The following IL9 variants were observed in gnomAD, a reference collection of about 807,000 sequenced individuals.
IL9 encodes interleukin 9.
Under a neutral mutation model 12.9 loss-of-function variants are expected in IL9, and 16 were observed. The ratio of observed to expected loss-of-function variants is 1.24; its 90% confidence interval spans 0.84 to 1.88. The LOEUF is 1.88. Among genes scored for constraint, IL9 ranks in the 40% most tolerant of loss-of-function variants. The probability of loss-of-function intolerance (pLI) is 0.00; values close to 1 mark genes in which losing one functional copy is unlikely to be tolerated. For missense variants in IL9, 170 were observed against 173.1 expected, an observed-to-expected ratio of 0.98 and a Z score of 0.10; for synonymous variants, 69 against 63.8, an observed-to-expected ratio of 1.08 and a Z score of -0.39.
At chr5:135,894,710 A>G (rs1561571287) in intron 3 of IL9, among the ~76,000 whole-genome samples, 1 of 152,226 alleles carries the variant, frequency 6.6e-6, no homozygotes, top group Non-Finnish European at 1.5e-5. Flanking sequence ...AGATTCTCCC[A>G]GGCCTTGCAT....
chr5:135,894,941 G>T (rs80141609), intron 3 of IL9, among the ~76,000 whole-genome samples: 23 of 152,328 alleles, frequency 1.5e-4, no homozygotes, highest in Admixed American at 3.9e-4. Context: ...AGACAACAGG[G>T]TGGTGGGGAG....
intron 4 of IL9, among the ~76,000 whole-genome samples, chr5:135,892,787 A>C (rs1762889375): frequency 6.8e-6 from 1 of 147,648 alleles, no homozygotes; most frequent in Non-Finnish European, 1.5e-5. Context: ...CACCCCTATT[A>C]AGTGGCCCTA....
intron 4 of IL9, among the ~76,000 whole-genome samples, chr5:135,893,360 C>T (rs914533286): frequency 2.0e-5 from 3 of 152,164 alleles, no homozygotes; most frequent in Non-Finnish European, 4.4e-5. Flanking sequence ...ACCTGTCATC[C>T]CAGCACTTTG....
chr5:135,892,925 T>C (rs1762893018), intron 4 of IL9, among the ~76,000 whole-genome samples: 1 of 152,202 alleles, frequency 6.6e-6, no homozygotes, highest in Admixed American at 6.5e-5. Context: ...TCTGAGGTCA[T>C]ATAGGCCTGA....
rs1256159670 is a variant in IL9 at position 135,895,384 on chromosome 5, T to C, written c.183+56A>G. The C allele has an allele frequency of 5.1e-5, 74 of 1,461,450 alleles. 1 individual carries two copies. In the East Asian group the frequency reaches 1.7e-3, roughly 33 times the overall value. The allele number at this position is 1,461,450 out of a possible 1,614,324, so 90.5% of individuals were successfully genotyped here. On this transcript the variant is annotated intron_variant, in intron 3 of 4. Coordinates refer to ENST00000274520, the MANE Select transcript of IL9 (RefSeq NM_000590.2). ...ATTAAATAAAGCAACTTATTTTTAC[T>C]TAAAAACAAACCAAAAAAATCCAAG...
rs1304362288 is a variant in IL9, at chr5:135,895,744, C to T, written c.73G>A (p.Ala25Thr). The change falls in exon 1 of 5, where the codon GCG becomes ACG. Residue 25 changes from alanine (A) to threonine (T), a missense_variant. Ala to Thr is a moderately conservative substitution (Grantham distance 58). Transcript: ENST00000274520. The stretch of plus-strand genomic sequence containing the variant: ...AGGAAGTTGATGTCCAGGATCCCCG[C>T]CAAGGTTGGACACCCCTGGCCTGCC... ...SVAGQGCPTL[A>T]GILDINFLIN... 7 of 1,614,042 alleles carry T rather than the reference C, an allele frequency of 4.3e-6. No individual in the cohort carries two copies. The highest frequency in any genetic ancestry group is 5.9e-6 in the Non-Finnish European group (7 of 1,180,006).
At chr5:135,892,592 C>A in intron 4 of IL9, 82 bp from the exon 5 acceptor site, 5 of 1,470,072 alleles carry the variant, frequency 3.4e-6, no homozygotes, top group Non-Finnish European at 3.7e-6. Flanking sequence ...CTGCCAAGAG[C>A]CAGAGTCGGT....
At chr5:135,893,816 C>A (rs1261101327) in intron 4 of IL9, among the ~76,000 whole-genome samples, 1 of 152,192 alleles carries the variant, frequency 6.6e-6, no homozygotes, top group African/African-American at 2.4e-5. Flanking sequence ...TCGTCAGGAA[C>A]AATGATCTAT....
At chr5:135,893,854 A>T (rs1242925208) in intron 4 of IL9, among the ~76,000 whole-genome samples, 166 bp downstream of exon 4, 1 of 152,128 alleles carries the variant, frequency 6.6e-6, no homozygotes, top group Non-Finnish European at 1.5e-5. Context: ...GTTTCAGTGG[A>T]TCTCACTTTA....
Position 135,894,079 on chromosome 5 carries a change from G to C in IL9, c.256C>G (p.Pro86Ala). The C allele has an allele frequency of 6.2e-7, 1 of 1,613,324 alleles. No homozygotes were observed. The highest frequency in any genetic ancestry group is 1.1e-5 in the South Asian group (1 of 90,944). Residue 86 changes from proline to alanine, a missense_variant, in exon 4 of 5, where the codon CCA becomes GCA. Pro to Ala is a conservative substitution (Grantham distance 27, BLOSUM62 -1). Transcript: ENST00000274520. The stretch of plus-strand genomic sequence containing the variant: ...TTTTTCACCCGACTGAAAATCAGTG[G>C]GTATCTTGTTTGCATGGTGGTATTG... ...MTNTTMQTRY[P>A]LIFSRVKKSV...
rs1581081146 is a variant in IL9, at chr5:135,892,625, A to C, written c.316-115T>G. ...GGTGGTGAGGATTGTGGGGATGGGA[A>C]GGGAAGTGGCTTGAGACACAGAGCA... is the stretch of plus-strand genomic sequence containing the variant. On this transcript the variant is annotated intron_variant, in intron 4 of 4. Coordinates refer to ENST00000274520, the MANE Select transcript of IL9 (RefSeq NM_000590.2). 7 of 1,205,396 alleles carry C rather than the reference A, an allele frequency of 5.8e-6. No individual in the cohort carries two copies. In the East Asian group the frequency reaches 1.7e-4, roughly 29 times the overall value. 74.7% of individuals were successfully genotyped at this position (1,205,396 alleles called of 1,614,324 possible).
At position 135,892,311 on chromosome 5, in the gene IL9, G is replaced by C. The variant is rs760880815; in HGVS notation, c.*80C>G. 1.7e-4 allele frequency: 187 copies of C among 1,072,514 alleles called. No individual in the cohort carries two copies. Among genetic ancestry groups the C allele is most frequent in the Non-Finnish European group, 2.3e-4 (173 of 749,312 alleles). 66.4% of individuals were successfully genotyped at this position (1,072,514 alleles called of 1,614,324 possible). A position where few individuals can be genotyped will look rare whatever the true frequency, so the allele number is the denominator to read the frequency against. On this transcript the variant is annotated 3_prime_UTR_variant, in exon 5 of 5. Transcript: ENST00000274520. ...TCACAACTGATACTGATTTAGAGTA[G>C]CTTACTTGATTTTTAAATTGTAGCA...
chr5:135,892,371 G>A lies in IL9; in HGVS notation c.*20C>T. 2 of 1,553,896 alleles carry A rather than the reference G, an allele frequency of 1.3e-6. No homozygotes were observed. The highest frequency in any genetic ancestry group is 1.7e-6 in the Non-Finnish European group (2 of 1,143,768). ...GAAAGCTTTTTAAATTTAATAAATAGGATAAATAATATTTCATCTTCATAT... is the reference window on the plus strand; with the variant it reads ...GAAAGCTTTTTAAATTTAATAAATAAGATAAATAATATTTCATCTTCATAT... On this transcript the variant is annotated 3_prime_UTR_variant, in exon 5 of 5. Transcript: ENST00000274520.
intron 4 of IL9, 150 bp from the exon 5 acceptor site, chr5:135,892,660 G>C: frequency 1.3e-6 from 1 of 766,716 alleles, no homozygotes; most frequent in South Asian, 2.0e-5. Flanking sequence ...AAATAGGTGG[G>C]CAGGTCCAGG....
Position 135,895,692 on chromosome 5 carries a change from C to G in IL9, c.114+11G>C, listed in dbSNP as rs949073096. 6.2e-7 allele frequency: 1 copy of G among 1,610,660 alleles called. No individual in the cohort carries two copies. The highest frequency in any genetic ancestry group is 8.5e-7 in the Non-Finnish European group (1 of 1,176,848). The stretch of plus-strand genomic sequence containing the variant: ...TAGCTGTCTTTCCCATGGGCTCCCC[C>G]TGCAGCCTACCTGCATCTTGTTGAT... On this transcript the variant is annotated intron_variant, in intron 1 of 4. Coordinates refer to ENST00000274520, the MANE Select transcript of IL9 (RefSeq NM_000590.2).
intron 4 of IL9, among the ~76,000 whole-genome samples, chr5:135,892,866 AG>A (rs1762890472): frequency 6.6e-6 from 1 of 151,776 alleles, no homozygotes; most frequent in Non-Finnish European, 1.5e-5. Context: ...TTATCCTTTT[AG>A]GTTGTCTTTC....
In IL9 at chr5:135,895,430, C is replaced by T. The variant is rs774545436; in HGVS notation, c.183+10G>A. On this transcript the variant is annotated intron_variant, in intron 3 of 4. Transcript: ENST00000274520. ...CCAAGGTCAACATTATGTTATTTCA[C>T]TATACTTACAGAGGGAATGCCCAAA... 1.2e-6 allele frequency: 2 copies of T among 1,610,068 alleles called. No individual in the cohort carries two copies. Among genetic ancestry groups the T allele is most frequent in the African/African-American group, 1.3e-5 (1 of 74,760 alleles).
At position 135,892,253 on chromosome 5, in the gene IL9, T is replaced by G. The variant is rs1042915306; in HGVS notation, c.*138A>C. On this transcript the variant is annotated 3_prime_UTR_variant, in exon 5 of 5. Coordinates refer to ENST00000274520, the MANE Select transcript of IL9 (RefSeq NM_000590.2). Reference sequence around the variant, plus strand: ...TGTTTTTTCCACATATGTATTTATTTCAAAATAAAGACATACAATGTTAAA... The same window carrying G: ...TGTTTTTTCCACATATGTATTTATTGCAAAATAAAGACATACAATGTTAAA... The G allele has an allele frequency of 1.6e-6, 1 of 634,184 alleles. No individual in the cohort carries two copies. The highest frequency in any genetic ancestry group is 2.5e-6 in the Non-Finnish European group (1 of 393,518). 39.3% of individuals were successfully genotyped at this position (634,184 alleles called of 1,614,324 possible). A position where few individuals can be genotyped will look rare whatever the true frequency, so the allele number is the denominator to read the frequency against.
At chr5:135,892,578 C>T in intron 4 of IL9, 68 bp from the exon 5 acceptor site, 1 of 1,527,056 alleles carries the variant, frequency 6.5e-7, no homozygotes. Flanking sequence ...CCCCAGAAGC[C>T]TACCTGCCAA....
Sources: gnomAD v4.1 joint callset for allele counts (sites outside exome capture counted in the v4.1 genomes callset) on GRCh38, gnomAD v4.1.1 for gene constraint, MANE v1.5 for transcripts, NCBI Gene and HGNC (gene_info 2026-07-23, HGNC 2026-07-21) for gene names.